The following LARGE1 variants were observed in gnomAD, a reference collection of about 807,000 sequenced individuals.
The protein encoded by LARGE1 is xylosyl- and glucuronyltransferase LARGE1.
A neutral mutation model predicts 87.6 loss-of-function variants in LARGE1; 43 were observed. That is an observed-to-expected ratio of 0.49 (90% confidence interval 0.38 to 0.63). LARGE1 has a LOEUF of 0.63. Ranked by LOEUF, LARGE1 falls within the 30% of genes least tolerant of loss-of-function variation. The probability of loss-of-function intolerance (pLI) is 0.00; values close to 1 mark genes in which losing one functional copy is unlikely to be tolerated. For synonymous variants in LARGE1, 434 were observed against 394.6 expected, an observed-to-expected ratio of 1.10 and a Z score of -1.18; for missense variants, 802 against 1,000.2, an observed-to-expected ratio of 0.80 and a Z score of 2.67.
intron 1 of LARGE1, among the ~76,000 whole-genome samples, chr22:33,905,612 T>C (rs2065422899): frequency 6.6e-6 from 1 of 152,246 alleles, no homozygotes; most frequent in South Asian, 2.1e-4. Flanking sequence ...TATATTATTC[T>C]CTCACATGAG....
chr22:33,572,120 T>C (rs1219602071), intron 5 of LARGE1: 1 of 896,526 alleles, frequency 1.1e-6, no homozygotes, highest in Non-Finnish European at 1.6e-6. Flanking sequence ...CTGGAAATAT[T>C]TTTTGCTCAA....
At chr22:33,306,200 A>C (rs896248713) in intron 11 of LARGE1, among the ~76,000 whole-genome samples, 5 of 152,184 alleles carry the variant, frequency 3.3e-5, no homozygotes, top group African/African-American at 1.2e-4. Flanking sequence ...ATTGCACTGA[A>C]CTTTGTACTA....
At chr22:33,303,826 T>C (rs755528513) in intron 12 of LARGE1, among the ~76,000 whole-genome samples, 1 of 151,188 alleles carries the variant, frequency 6.6e-6, no homozygotes, top group East Asian at 1.9e-4. Context: ...GGTTTCACCA[T>C]GTTGGCCAGG....
chr22:33,598,352 TA>T (rs1362849530), intron 5 of LARGE1, among the ~76,000 whole-genome samples: 3 of 152,238 alleles, frequency 2.0e-5, no homozygotes, highest in African/African-American at 7.2e-5. Flanking sequence ...GAGAACCATG[TA>T]AAACATGAGA....
intron 6 of LARGE1, among the ~76,000 whole-genome samples, chr22:33,517,720 A>G (rs2071381977): frequency 2.0e-5 from 3 of 152,120 alleles, no homozygotes; most frequent in Admixed American, 6.5e-5. Context: ...TTTGTATACA[A>G]CTTCTGAGAG....
intron 6 of LARGE1, among the ~76,000 whole-genome samples, chr22:33,556,155 T>C (rs777104295): frequency 2.6e-5 from 4 of 151,900 alleles, no homozygotes; most frequent in Non-Finnish European, 5.9e-5. Flanking sequence ...CACCCTGACT[T>C]TTCCCTTTCA....
chr22:33,358,071 T>TCC (rs1941066192), intron 9 of LARGE1, among the ~76,000 whole-genome samples: 2 of 152,140 alleles, frequency 1.3e-5, no homozygotes, highest in Non-Finnish European at 2.9e-5. Context: ...AGGGCAATAG[T>TCC]CCCAAAGGAC....
intron 6 of LARGE1, among the ~76,000 whole-genome samples, chr22:33,515,800 T>C (rs1051184343): frequency 2.6e-5 from 4 of 152,182 alleles, no homozygotes; most frequent in Admixed American, 2.6e-4. Context: ...AAGGTGCTCC[T>C]GCCTGACAAG....
the LARGE1 span, among the ~76,000 whole-genome samples, chr22:33,115,360 C>T: frequency 5.8e-3 from 875 of 151,708 alleles, 5 homozygotes; most frequent in Middle Eastern, 0.041. Context: ...GGATGGATCA[C>T]GAGGTCAGGA....
chr22:33,384,135 G>C (rs1449789369), intron 8 of LARGE1, 57 bp downstream of exon 8: 30 of 1,212,254 alleles, frequency 2.5e-5, no homozygotes, highest in Non-Finnish European at 3.4e-5. Flanking sequence ...AAGTTTCTTT[G>C]AGAAACAGCA....
rs189482111 is a variant in LARGE1 at position 33,712,327 on chromosome 22, A to T, written c.106+49044T>A. The stretch of plus-strand genomic sequence containing the variant: ...TAGTAAAGATGCCAGCCTCAGTGGG[A>T]GAAATGGCCCTGCACTGAGCATCTA... On this transcript the variant is annotated intron_variant, in intron 2 of 14. Transcript: ENST00000397394. 5.3e-3 allele frequency among the ~76,000 whole-genome samples: 810 copies of T among 152,258 alleles called. 5 individuals are homozygous for T. Among genetic ancestry groups the T allele is most frequent in the African/African-American group, 0.018 (752 of 41,548 alleles).
intron 11 of LARGE1, among the ~76,000 whole-genome samples, chr22:33,256,993 A>G (rs1927319464): frequency 6.6e-6 from 1 of 151,836 alleles, no homozygotes; most frequent in Non-Finnish European, 1.5e-5. Flanking sequence ...ATCACCTGAG[A>G]TTGGGAGTTC....
At chr22:33,100,980 G>C in the LARGE1 span, among the ~76,000 whole-genome samples, 1 of 152,000 alleles carries the variant, frequency 6.6e-6, no homozygotes. Flanking sequence ...CGAGTAGCTG[G>C]GATTACAGGC....
chr22:33,311,856 G>A (rs892373878), intron 11 of LARGE1, among the ~76,000 whole-genome samples: 3 of 152,162 alleles, frequency 2.0e-5, no homozygotes, highest in African/African-American at 7.2e-5. Flanking sequence ...TATGAGGCAA[G>A]TAATTTTATC....
intron 12 of LARGE1, among the ~76,000 whole-genome samples, chr22:33,287,363 A>G (rs1931739800): frequency 6.6e-6 from 1 of 152,214 alleles, no homozygotes; most frequent in African/African-American, 2.4e-5. Flanking sequence ...CTCTGCATAG[A>G]TAGCACCAGA....
At chr22:33,106,311 G>A in the LARGE1 span, among the ~76,000 whole-genome samples, 2 of 152,048 alleles carry the variant, frequency 1.3e-5, no homozygotes, top group African/African-American at 2.4e-5. Context: ...TAGAAAAGGT[G>A]GACAAAACAA....
intron 6 of LARGE1, among the ~76,000 whole-genome samples, chr22:33,452,106 C>T (rs7285886): frequency 0.13 from 19,998 of 152,174 alleles, 2,515 homozygotes; most frequent in African/African-American, 0.33. Flanking sequence ...TGAGAGGTGA[C>T]TATACGTCAG....
At chr22:33,883,797 G>A (rs1282450754) in intron 1 of LARGE1, among the ~76,000 whole-genome samples, 3 of 152,050 alleles carry the variant, frequency 2.0e-5, no homozygotes, top group South Asian at 2.1e-4. Context: ...AAACCCTCCC[G>A]GACCAACCTC....
chr22:33,680,809 G>GAA (rs61043150), intron 2 of LARGE1, among the ~76,000 whole-genome samples: 1 of 144,436 alleles, frequency 6.9e-6, no homozygotes. Flanking sequence ...TCTGCTTTAG[G>GAA]AAAAAAAAAA....
Sources: allele counts gnomAD v4.1 joint callset (sites outside exome capture counted in the v4.1 genomes callset), GRCh38; gene constraint gnomAD v4.1.1; transcripts MANE v1.5; gene names NCBI Gene and HGNC (gene_info 2026-07-23, HGNC 2026-07-21).